The following ZNF426 variants were observed in gnomAD, a reference collection of about 807,000 sequenced individuals.
ZNF426 encodes the protein zinc finger protein 426.
Under a neutral mutation model 24.0 loss-of-function variants are expected in ZNF426, and 23 were observed. That is an observed-to-expected ratio of 0.96 (90% CI 0.69 to 1.36). The LOEUF is 1.36. ZNF426 is among the 40% of genes most tolerant of loss of function. The pLI is 0.00. For missense variants in ZNF426, 646 were observed against 658.4 expected (o/e 0.98, Z 0.21); for synonymous variants, 272 against 224.6 (o/e 1.21, Z -1.89).
Position 9,536,220 on chromosome 19 carries a change from C to A in ZNF426, c.13G>T (p.Asp5Tyr). MAAA[D>Y]LSHGHYLSGD... ...CAACAGAGCTTACCATGGGACAAAT[C>A]AGCAGCTGCCATCCCGCGAGGTGAG... The change falls in exon 3 of 8, where the codon GAT becomes TAT. Residue 5 changes from aspartate (D) to tyrosine (Y), a missense_variant. By Grantham distance (160) the Asp-to-Tyr change is radical. Transcript: ENST00000253115. The A allele has an allele frequency of 5.6e-6, 9 of 1,614,204 alleles. No homozygotes were observed. The highest frequency in any genetic ancestry group is 7.6e-6 in the Non-Finnish European group (9 of 1,180,042).
chr19:9,532,862 T>G lies in ZNF426; in HGVS notation c.308A>C (p.Gln103Pro), dbSNP rs35803355. The G allele has an allele frequency of 6.2e-7, 1 of 1,613,996 alleles. No homozygotes were observed. The highest frequency in any genetic ancestry group is 1.3e-5 in the African/African-American group (1 of 75,060). ...WLEQEESRTV[Q>P]GGVLQGWEMR... is the part of the protein sequence containing the mutation. Reference sequence around the variant, plus strand: ...ACACTCACCTTGGAGAACTCCTCCCTGAACTGTCCTTGACTCTTCTTGTTC... The same window carrying G: ...ACACTCACCTTGGAGAACTCCTCCCGGAACTGTCCTTGACTCTTCTTGTTC... Residue 103 changes from glutamine (Q) to proline (P), a missense_variant, in exon 6 of 8, where the codon CAG (glutamine) becomes CCG (proline). Gln to Pro is a moderately conservative substitution (Grantham distance 76). Transcript: ENST00000253115.
In ZNF426 at chr19:9,525,974, G is replaced by A. The variant is rs1218242840; in HGVS notation, c.*2406C>T. The A allele has an allele frequency of 2.6e-5, 4 of 152,104 alleles. No individual in the cohort carries two copies. Among genetic ancestry groups the A allele is most frequent in the Non-Finnish European group, 5.9e-5 (4 of 68,116 alleles). The allele number at this position is 152,104 out of a possible 1,614,324, so 9.4% of individuals were successfully genotyped here. A position where few individuals can be genotyped will look rare whatever the true frequency, so the allele number is the denominator to read the frequency against. ...CAAAGTGCTGGTATTACAGGCATAA[G>A]CCACCACACCTGGAGTTTTAGTCAG... On this transcript the variant is annotated 3_prime_UTR_variant, in exon 8 of 8. Transcript: ENST00000253115.
chr19:9,528,355 CATTT>C lies in ZNF426; in HGVS notation c.*21_*24del. The C allele has an allele frequency of 6.5e-7, 1 of 1,544,498 alleles. No individual in the cohort carries two copies. Among genetic ancestry groups the C allele is most frequent in the Non-Finnish European group, 8.7e-7 (1 of 1,147,988 alleles). On this transcript the variant is annotated 3_prime_UTR_variant, in exon 8 of 8. Coordinates refer to ENST00000253115, the MANE Select transcript of ZNF426 (RefSeq NM_024106.3). The stretch of plus-strand genomic sequence containing the variant: ...ACTGGAACAAATGAGAGCTTTCCCA[CATTT>C]ATTACATGGACAGTTTCTCACTAGT...
chr19:9,529,333 A>G lies in ZNF426; in HGVS notation c.712T>C (p.Tyr238His), dbSNP rs916754251. The G allele has an allele frequency of 1.9e-6, 3 of 1,614,174 alleles. No individual in the cohort carries two copies. Among genetic ancestry groups the G allele is most frequent in the African/African-American group, 2.7e-5 (2 of 75,068 alleles). Residue 238 changes from tyrosine (Y) to histidine (H), a missense_variant, in exon 8 of 8, where the codon TAC (tyrosine) becomes CAC (histidine). By Grantham distance (83) the Tyr-to-His change is moderately conservative (BLOSUM62 2). Coordinates refer to ENST00000253115, the MANE Select transcript of ZNF426 (RefSeq NM_024106.3). ...TGAGTTCTCATATGTGCCTGAAGGT[A>G]TGACTCATTAATGAAGGATTTTCCA... ...HCGKSFINES[Y>H]LQAHMRTHNG...
rs1164763398 is a variant in ZNF426 at position 9,525,063 on chromosome 19, C to A, written c.*3317G>T. Reference sequence around the variant, plus strand: ...AGGAGATCGAGACCATCCTGGCTAACACAGTGAAACCCCGTCTCTACTAAA... The same window carrying A: ...AGGAGATCGAGACCATCCTGGCTAAAACAGTGAAACCCCGTCTCTACTAAA... On this transcript the variant is annotated 3_prime_UTR_variant, in exon 8 of 8. Coordinates refer to ENST00000253115, the MANE Select transcript of ZNF426 (RefSeq NM_024106.3). 2 of 151,278 alleles carry A rather than the reference C, an allele frequency of 1.3e-5. No homozygotes were observed. Among genetic ancestry groups the A allele is most frequent in the Non-Finnish European group, 2.9e-5 (2 of 67,824 alleles). The allele number at this position is 151,278 out of a possible 1,614,324, so 9.4% of individuals were successfully genotyped here.
rs1350451924 is a variant in ZNF426, at chr19:9,533,853, G to A, written c.231C>T (p.Asn77=). 6.2e-7 allele frequency: 1 copy of A among 1,614,104 alleles called. No individual in the cohort carries two copies. The highest frequency in any genetic ancestry group is 1.7e-5 in the Admixed American group (1 of 60,014). Residue 77 remains asparagine (N), a synonymous_variant, in exon 5 of 8, where the codon AAC becomes AAT. Transcript: ENST00000253115. ...YSDVMLENYK[N]LATVGGQIIK... ...GGCCAGTCTTACCTACTGTGGCCAG[G>A]TTCTTGTAGTTCTCCAGCATCACGT...
chr19:9,535,350 T>G (rs1290483935), intron 3 of ZNF426, 71 bp from the exon 4 acceptor site: 7 of 1,061,702 alleles, frequency 6.6e-6, no homozygotes, highest in Non-Finnish European at 8.4e-6. Flanking sequence ...TAGAGGTCAT[T>G]ACCTCCTAGT....
rs1362127664 is a variant in ZNF426, at chr19:9,527,156, A to G, written c.*1224T>C. On this transcript the variant is annotated 3_prime_UTR_variant, in exon 8 of 8. Transcript: ENST00000253115. ...TCATGTACTTATTATGGCATGTGAAATATTTAAAGGTTATACCATATTCCT... is the reference window on the plus strand; with the variant it reads ...TCATGTACTTATTATGGCATGTGAAGTATTTAAAGGTTATACCATATTCCT... 1 of 152,186 alleles carries G rather than the reference A, an allele frequency of 6.6e-6. No homozygotes were observed. Among genetic ancestry groups the G allele is most frequent in the Non-Finnish European group, 1.5e-5 (1 of 68,024 alleles). The allele number at this position is 152,186 out of a possible 1,614,324, so 9.4% of individuals were successfully genotyped here. A position where few individuals can be genotyped will look rare whatever the true frequency, so the allele number is the denominator to read the frequency against.
chr19:9,529,696 C>T, intron 7 of ZNF426, 60 bp from the exon 8 acceptor site: 1 of 1,463,448 alleles, frequency 6.8e-7, no homozygotes, highest in Non-Finnish European at 9.1e-7. Flanking sequence ...AGAACATACC[C>T]ATCTGAAGCT....
In ZNF426 at chr19:9,529,082, G is replaced by A. The variant is rs370112581; in HGVS notation, c.963C>T (p.Asn321=). Residue 321 remains asparagine, a synonymous_variant, in exon 8 of 8, where the codon AAC becomes AAT. Transcript: ENST00000253115. ...GAGTTCTTCCATGTATCTGAAATGAGTTGGAATAATTGAAGGCTTTCCCAC... is the reference window on the plus strand; with the variant it reads ...GAGTTCTTCCATGTATCTGAAATGAATTGGAATAATTGAAGGCTTTCCCAC... ...KECGKAFNYS[N]SFQIHGRTHT... is the part of the protein sequence containing the mutation. 4.3e-6 allele frequency: 7 copies of A among 1,613,458 alleles called. No homozygotes were observed. The highest frequency in any genetic ancestry group is 2.2e-5 in the East Asian group (1 of 44,860).
At chr19:9,536,531 T>C (rs2073968366) in intron 2 of ZNF426, 175 bp from the exon 3 acceptor site, 3 of 431,650 alleles carry the variant, frequency 7.0e-6, no homozygotes, top group Admixed American at 8.1e-5. Flanking sequence ...CAAGACCCTA[T>C]CTCTAAAGAA....
chr19:9,537,492 G>A lies in ZNF426; in HGVS notation c.-125+767C>T, dbSNP rs1041601175. ...TTTTGGAGAGATGGAGTCTTGCTAT[G>A]TTGCCCAGGCTGGTCTTAAACTCCT... On this transcript the variant is annotated intron_variant, in intron 2 of 7. Coordinates refer to ENST00000253115, the MANE Select transcript of ZNF426 (RefSeq NM_024106.3). 6.7e-5 allele frequency among the ~76,000 whole-genome samples: 9 copies of A among 133,478 alleles called. No homozygotes were observed. In the South Asian group the frequency reaches 1.4e-3, roughly 21 times the overall value. The allele number at this position is 133,478 out of a possible 152,430, so 87.6% of individuals were successfully genotyped here. A position where few individuals can be genotyped will look rare whatever the true frequency, so the allele number is the denominator to read the frequency against.
At chr19:9,533,438 AG>A (rs1476148058) in intron 5 of ZNF426, among the ~76,000 whole-genome samples, 1 of 152,250 alleles carries the variant, frequency 6.6e-6, no homozygotes, top group African/African-American at 2.4e-5. Context: ...CCTGCGTGAC[AG>A]AGTGAAACTG....
chr19:9,534,258 T>C (rs1019501723), intron 4 of ZNF426, among the ~76,000 whole-genome samples: 1 of 152,068 alleles, frequency 6.6e-6, no homozygotes, highest in Admixed American at 6.5e-5. Context: ...CAGGCTGGAG[T>C]GCACTGGTGC....
At position 9,528,594 on chromosome 19, in the gene ZNF426, G is replaced by C; in HGVS notation, c.1451C>G (p.Ala484Gly). Reference sequence around the variant, plus strand: ...TTGAAATGAACTGGAATGACTGAAGGCCTTTCCACATTGTTTACACTCATA... The same window carrying C: ...TTGAAATGAACTGGAATGACTGAAGCCCTTTCCACATTGTTTACACTCATA... The part of the protein sequence containing the change: ...KPYECKQCGK[A>G]FSHSSSFQIH... The change falls in exon 8 of 8, where the codon GCC (alanine) becomes GGC (glycine). Residue 484 changes from alanine to glycine, a missense_variant. Coordinates refer to ENST00000253115, the MANE Select transcript of ZNF426 (RefSeq NM_024106.3). 6.2e-7 allele frequency: 1 copy of C among 1,614,004 alleles called. No homozygotes were observed. The highest frequency in any genetic ancestry group is 8.5e-7 in the Non-Finnish European group (1 of 1,179,994).
In ZNF426 at chr19:9,536,381, C is replaced by A. The variant is rs955934054; in HGVS notation, c.-124-25G>T. The A allele has an allele frequency of 2.6e-6, 4 of 1,551,908 alleles. No homozygotes were observed. In the African/African-American group the frequency reaches 5.4e-5, roughly 21 times the overall value. On this transcript the variant is annotated intron_variant, in intron 2 of 7. Transcript: ENST00000253115. ...CCTGTTGGTATTAATCAATAATCAA[C>A]AAGCAGTACTTAATCATCAGCCATC... is the stretch of plus-strand genomic sequence containing the variant.
In ZNF426 at chr19:9,526,564, C is replaced by A. The variant is rs1281267413; in HGVS notation, c.*1816G>T. 6.6e-6 allele frequency: 1 copy of A among 151,754 alleles called. No homozygotes were observed. Among genetic ancestry groups the A allele is most frequent in the Non-Finnish European group, 1.5e-5 (1 of 67,968 alleles). The allele number at this position is 151,754 out of a possible 1,614,324, so 9.4% of individuals were successfully genotyped here. A position where few individuals can be genotyped will look rare whatever the true frequency, so the allele number is the denominator to read the frequency against. On this transcript the variant is annotated 3_prime_UTR_variant, in exon 8 of 8. Transcript: ENST00000253115. ...AATATATCAGCAGAAACATCCACAC[C>A]TGAAAAGCAAAGAGAAGAATAAAAA...
rs991172394 is a variant in ZNF426, at chr19:9,523,681, C to G, written c.*4699G>C. 3 of 152,232 alleles carry G rather than the reference C, an allele frequency of 2.0e-5. No homozygotes were observed. Among genetic ancestry groups the G allele is most frequent in the African/African-American group, 7.2e-5 (3 of 41,460 alleles). 9.4% of individuals were successfully genotyped at this position (152,232 alleles called of 1,614,324 possible). A position where few individuals can be genotyped will look rare whatever the true frequency, so the allele number is the denominator to read the frequency against. ...AGTTGGGGATTAAACTGTTCCAGTTCAGATCATCAGGCATTAGATTCTCAT... is the reference window on the plus strand; with the variant it reads ...AGTTGGGGATTAAACTGTTCCAGTTGAGATCATCAGGCATTAGATTCTCAT... On this transcript the variant is annotated 3_prime_UTR_variant, in exon 8 of 8. Transcript: ENST00000253115.
In ZNF426 at chr19:9,529,606, C is replaced by T; in HGVS notation, c.439G>A (p.Asp147Asn). The T allele has an allele frequency of 6.3e-7, 1 of 1,598,998 alleles. No individual in the cohort carries two copies. Among genetic ancestry groups the T allele is most frequent in the Non-Finnish European group, 8.5e-7 (1 of 1,178,060 alleles). Residue 147 changes from aspartate (D) to asparagine (N), a missense_variant, in exon 8 of 8, where the codon GAC becomes AAC. Asp to Asn is a conservative substitution (Grantham distance 23). Transcript: ENST00000253115. ...EGKHNGRELC[D>N]CEQCGEVFSE... Reference sequence around the variant, plus strand: ...AAGACTTCTCCACATTGCTCACAGTCACAGAGTTCCCTTCCATTGTGTTTT... The same window carrying T: ...AAGACTTCTCCACATTGCTCACAGTTACAGAGTTCCCTTCCATTGTGTTTT...
Sources: allele counts gnomAD v4.1 joint callset (sites outside exome capture counted in the v4.1 genomes callset), GRCh38; gene constraint gnomAD v4.1.1; transcripts MANE v1.5; gene names NCBI Gene and HGNC (gene_info 2026-07-23, HGNC 2026-07-21).